Variants in TTC28 observed in about 807,000 individuals in gnomAD.
The protein encoded by TTC28 is tetratricopeptide repeat domain 28.
A neutral mutation model predicts 198.0 loss-of-function variants in TTC28; 61 were observed. That is an observed-to-expected ratio of 0.31 (90% CI 0.25 to 0.38). The LOEUF is 0.38. Among genes scored for constraint, TTC28 ranks in the 10% least tolerant of loss-of-function variants. The pLI, the probability that TTC28 is intolerant of heterozygous loss-of-function variation, is 1.00. For synonymous variants in TTC28, 1,171 were observed against 1,297.8 expected, an observed-to-expected ratio of 0.90 and a Z score of 2.10; for missense variants, 2,678 against 3,164.0, an observed-to-expected ratio of 0.85 and a Z score of 3.69.
At chr22:28,300,015 G>A (rs1166039258) in intron 3 of TTC28, among the ~76,000 whole-genome samples, 1 of 152,142 alleles carries the variant, frequency 6.6e-6, no homozygotes, top group Admixed American at 6.5e-5. Context: ...CATAACCATT[G>A]CAACCAAACA....
chr22:28,100,066 CT>C (rs904362395), intron 9 of TTC28, among the ~76,000 whole-genome samples: 4 of 152,200 alleles, frequency 2.6e-5, no homozygotes, highest in African/African-American at 4.8e-5. Flanking sequence ...TGATATTTTC[CT>C]TTTTTTTCCC....
chr22:28,619,301 T>C (rs1185053154), intron 2 of TTC28, among the ~76,000 whole-genome samples: 1 of 152,198 alleles, frequency 6.6e-6, no homozygotes, highest in East Asian at 1.9e-4. Flanking sequence ...TCAAGATATG[T>C]AATGTTAACC....
intron 2 of TTC28, among the ~76,000 whole-genome samples, chr22:28,554,249 G>T (rs1431396106): frequency 6.7e-6 from 1 of 148,698 alleles, no homozygotes; most frequent in Non-Finnish European, 1.5e-5. Flanking sequence ...AAGGCCGCAG[G>T]GTCCTCTGCC....
intron 5 of TTC28, among the ~76,000 whole-genome samples, chr22:28,208,802 T>A (rs2147172086): frequency 6.6e-6 from 1 of 152,138 alleles, no homozygotes; most frequent in East Asian, 1.9e-4. Flanking sequence ...CTCCGAGAAA[T>A]GATAGATCTG....
intron 1 of TTC28, among the ~76,000 whole-genome samples, chr22:28,636,328 T>C (rs1299334836): frequency 6.6e-6 from 1 of 151,934 alleles, no homozygotes; most frequent in Non-Finnish European, 1.5e-5. Context: ...GGTTTCACCG[T>C]GTTAGCCAGG....
intron 3 of TTC28, among the ~76,000 whole-genome samples, chr22:28,302,642 G>T (rs2045049998): frequency 6.6e-6 from 1 of 152,124 alleles, no homozygotes; most frequent in Non-Finnish European, 1.5e-5. Flanking sequence ...TCTTTTGGGG[G>T]AAGAAGCCTA....
chr22:28,298,691 T>A (rs2044953165), intron 3 of TTC28, among the ~76,000 whole-genome samples: 1 of 152,106 alleles, frequency 6.6e-6, no homozygotes, highest in African/African-American at 2.4e-5. Flanking sequence ...GCTCAAGTGA[T>A]CCTCCCACCT....
chr22:28,025,603 C>A (rs1280987241), intron 13 of TTC28, among the ~76,000 whole-genome samples: 1 of 152,170 alleles, frequency 6.6e-6, no homozygotes, highest in Non-Finnish European at 1.5e-5. Flanking sequence ...ACAGCCTGGC[C>A]AGGTACGGAG....
At chr22:28,224,614 A>G (rs1928145900) in intron 5 of TTC28, among the ~76,000 whole-genome samples, 1 of 152,114 alleles carries the variant, frequency 6.6e-6, no homozygotes, top group South Asian at 2.1e-4. Context: ...TCCAGAATGG[A>G]TATGTATTTG....
At chr22:28,597,052 G>A (rs2050553746) in intron 2 of TTC28, among the ~76,000 whole-genome samples, 1 of 152,054 alleles carries the variant, frequency 6.6e-6, no homozygotes, top group Non-Finnish European at 1.5e-5. Flanking sequence ...ATACCATCAA[G>A]ATTCAGTTAA....
At chr22:28,164,163 G>C (rs1173863782) in intron 5 of TTC28, among the ~76,000 whole-genome samples, 1 of 152,188 alleles carries the variant, frequency 6.6e-6, no homozygotes, top group African/African-American at 2.4e-5. Flanking sequence ...GAACTGGCTG[G>C]AGCCCACCAC....
chr22:28,032,687 T>C (rs1939183805), intron 12 of TTC28, among the ~76,000 whole-genome samples: 1 of 152,116 alleles, frequency 6.6e-6, no homozygotes, highest in African/African-American at 2.4e-5. Context: ...TACTAGGTGG[T>C]AGAGCTGGGT....
At chr22:28,110,410 G>A (rs1474787878) in intron 6 of TTC28, among the ~76,000 whole-genome samples, 5 of 152,204 alleles carry the variant, frequency 3.3e-5, no homozygotes, top group Non-Finnish European at 7.3e-5. Context: ...GTGATAGTGA[G>A]GATCAAATGA....
At chr22:28,672,838 C>A (rs1363390650) in intron 1 of TTC28, among the ~76,000 whole-genome samples, 1 of 152,192 alleles carries the variant, frequency 6.6e-6, no homozygotes, top group East Asian at 1.9e-4. Context: ...CAGAAAAAAC[C>A]CTTTTTCATC....
chr22:28,313,252 G>A (rs2045297323), intron 2 of TTC28, among the ~76,000 whole-genome samples: 1 of 152,192 alleles, frequency 6.6e-6, no homozygotes, highest in African/African-American at 2.4e-5. Context: ...TCTGGGACCA[G>A]ACAGATTCAC....
chr22:28,232,280 G>A (rs892458699), intron 5 of TTC28, among the ~76,000 whole-genome samples: 8 of 152,126 alleles, frequency 5.3e-5, no homozygotes, highest in African/African-American at 1.7e-4. Flanking sequence ...CAACCAATCA[G>A]ATTAATCTAC....
chr22:28,196,759 A>G (rs1422542485), intron 5 of TTC28, among the ~76,000 whole-genome samples: 1 of 152,188 alleles, frequency 6.6e-6, no homozygotes, highest in Admixed American at 6.5e-5. Flanking sequence ...ATCATTAAAA[A>G]GTCAGGAAAC....
At chr22:28,645,695 C>T (rs965301744) in intron 1 of TTC28, among the ~76,000 whole-genome samples, 8 of 150,936 alleles carry the variant, frequency 5.3e-5, no homozygotes, top group Admixed American at 2.6e-4. Flanking sequence ...TGGGATGGTT[C>T]AACATGTGTA....
chr22:28,023,170 C>T (rs1938681121), intron 13 of TTC28, among the ~76,000 whole-genome samples: 1 of 152,236 alleles, frequency 6.6e-6, no homozygotes, highest in African/African-American at 2.4e-5. Context: ...CCTGCCTGGG[C>T]TAAGGGTTAT....
Sources: allele counts gnomAD v4.1 joint callset (sites outside exome capture counted in the v4.1 genomes callset), GRCh38; gene constraint gnomAD v4.1.1; transcripts MANE v1.5; gene names NCBI Gene and HGNC (gene_info 2026-07-23, HGNC 2026-07-21).